Variants in DOCK2 observed in about 807,000 individuals in gnomAD.
DOCK2 encodes the protein dedicator of cytokinesis protein 2.
DOCK2 carries 87 observed loss-of-function variants against 248.9 expected under a neutral mutation model. That is an observed-to-expected ratio of 0.35 (90% confidence interval 0.29 to 0.42). DOCK2 has a LOEUF of 0.42. DOCK2 is among the 10% of genes least tolerant of loss of function. The probability of loss-of-function intolerance (pLI) is 1.00; values close to 1 mark genes in which losing one functional copy is unlikely to be tolerated. For synonymous variants in DOCK2, 805 were observed against 821.6 expected, an observed-to-expected ratio of 0.98 and a Z score of 0.35; for missense variants, 1,747 against 2,300.2, an observed-to-expected ratio of 0.76 and a Z score of 4.92.
At chr5:169,774,907 T>A (rs996546234) in intron 25 of DOCK2, among the ~76,000 whole-genome samples, 1 of 151,792 alleles carries the variant, frequency 6.6e-6, no homozygotes, top group African/African-American at 2.4e-5. Flanking sequence ...TTGTTGTTGT[T>A]GTTGTTGTTG....
chr5:169,781,980 G>A (rs1765740071), intron 25 of DOCK2, among the ~76,000 whole-genome samples: 2 of 152,140 alleles, frequency 1.3e-5, no homozygotes, highest in Admixed American at 6.5e-5. Flanking sequence ...GGGGATTCTG[G>A]GCTCTGTCTC....
At chr5:170,059,737 C>T (rs990719974) in intron 44 of DOCK2, among the ~76,000 whole-genome samples, 39 of 152,224 alleles carry the variant, frequency 2.6e-4, no homozygotes, top group Non-Finnish European at 7.3e-5. Context: ...AGAATACTTA[C>T]ATAAATTAAT....
chr5:169,661,889 A>G (rs1474673593), intron 2 of DOCK2, among the ~76,000 whole-genome samples: 1 of 152,220 alleles, frequency 6.6e-6, no homozygotes, highest in African/African-American at 2.4e-5. Flanking sequence ...TTGTTTCCGT[A>G]TCTTGGCTAT....
intron 27 of DOCK2, among the ~76,000 whole-genome samples, chr5:169,948,617 T>C (rs1776538979): frequency 6.6e-6 from 1 of 151,616 alleles, no homozygotes; most frequent in Non-Finnish European, 1.5e-5. Context: ...CAATTAATTT[T>C]TTTTTTTTTT....
chr5:170,053,052 G>A (rs1473266482), intron 41 of DOCK2, among the ~76,000 whole-genome samples: 1 of 152,230 alleles, frequency 6.6e-6, no homozygotes, highest in Non-Finnish European at 1.5e-5. Context: ...ATAATTGAAA[G>A]CCAAAGTCTC....
chr5:169,904,924 G>A (rs913855848), intron 27 of DOCK2, among the ~76,000 whole-genome samples: 2 of 152,154 alleles, frequency 1.3e-5, no homozygotes, highest in Admixed American at 6.5e-5. Context: ...TCTGGAACCC[G>A]AGAGACCCGG....
At chr5:170,027,766 G>A (rs912328850) in intron 33 of DOCK2, 97 bp from the exon 34 acceptor site, 4 of 1,128,540 alleles carry the variant, frequency 3.5e-6, no homozygotes, top group African/African-American at 1.6e-5. Context: ...GGGAGATAAA[G>A]AGTGCTCCCT....
In DOCK2 at chr5:169,854,164, G is replaced by A. The variant is rs371498529; in HGVS notation, c.2799+13312G>A. On this transcript the variant is annotated intron_variant, in intron 27 of 51. Transcript: ENST00000520908. Reference sequence around the variant, plus strand: ...CTATTTCTTTAAAAATAGGAATTAAGGGGACAGTCAAACTTACTGAAACAT... The same window carrying A: ...CTATTTCTTTAAAAATAGGAATTAAAGGGACAGTCAAACTTACTGAAACAT... Among the ~76,000 whole-genome samples the A allele has an allele frequency of 1.1e-3, 173 of 150,784 alleles. 4 individuals carry two copies. In the South Asian group the frequency reaches 0.035, roughly 31 times the overall value.
intron 25 of DOCK2, among the ~76,000 whole-genome samples, chr5:169,795,064 T>A (rs894541618): frequency 1.3e-5 from 2 of 152,214 alleles, no homozygotes; most frequent in South Asian, 2.1e-4. Context: ...ATCAGTTACA[T>A]GTCAGTCCAC....
intron 27 of DOCK2, among the ~76,000 whole-genome samples, chr5:169,891,412 T>A (rs1056189672): frequency 3.9e-5 from 6 of 152,204 alleles, no homozygotes; most frequent in Non-Finnish European, 5.9e-5. Context: ...CATACAACCT[T>A]AGAAATAGAA....
intron 22 of DOCK2, among the ~76,000 whole-genome samples, chr5:169,728,992 A>G (rs1363917960): frequency 6.6e-6 from 1 of 152,170 alleles, no homozygotes; most frequent in Admixed American, 6.5e-5. Context: ...TTGTTAACTC[A>G]TTATTGGAAA....
intron 34 of DOCK2, among the ~76,000 whole-genome samples, chr5:170,030,051 T>C (rs1756074943): frequency 6.6e-6 from 1 of 152,192 alleles, no homozygotes; most frequent in Admixed American, 6.5e-5. Context: ...GAATAAACAA[T>C]ATTCTGGCTG....
At chr5:169,909,020 T>C (rs543089974) in intron 27 of DOCK2, among the ~76,000 whole-genome samples, 2 of 152,338 alleles carry the variant, frequency 1.3e-5, no homozygotes, top group African/African-American at 4.8e-5. Context: ...TCTGTCATAA[T>C]TGTCAGCCCC....
At chr5:169,915,468 A>C (rs1774821812) in intron 27 of DOCK2, among the ~76,000 whole-genome samples, 1 of 151,976 alleles carries the variant, frequency 6.6e-6, no homozygotes, top group African/African-American at 2.4e-5. Flanking sequence ...TCATGTAACT[A>C]ATATATTGAA....
intron 28 of DOCK2, among the ~76,000 whole-genome samples, chr5:169,984,092 C>T (rs530083300): frequency 5.9e-5 from 9 of 152,152 alleles, no homozygotes; most frequent in Non-Finnish European, 1.3e-4. Flanking sequence ...TACACATTTT[C>T]TTACATAACC....
rs1212301251 is a variant in DOCK2, at chr5:169,700,099, G to A, written c.1218G>A (p.Val406=). The stretch of plus-strand genomic sequence containing the variant: ...CACACCTGGTGGACAGGACCACCGT[G>A]GTGGCCAGGAAGCTGGGATTCCCAG... ...DYPHLVDRTT[V]VARKLGFPEI... Residue 406 remains valine, a synonymous_variant, in exon 13 of 52, where the codon GTG becomes GTA. Coordinates refer to ENST00000520908, the MANE Select transcript of DOCK2 (RefSeq NM_004946.3). 1.2e-6 allele frequency: 2 copies of A among 1,613,862 alleles called. No individual in the cohort carries two copies. Among genetic ancestry groups the A allele is most frequent in the African/African-American group, 1.3e-5 (1 of 74,920 alleles).
At chr5:169,700,491 C>G (rs1760902410) in intron 13 of DOCK2, among the ~76,000 whole-genome samples, 1 of 150,884 alleles carries the variant, frequency 6.6e-6, no homozygotes, top group African/African-American at 2.4e-5. Context: ...CAGTTGCACT[C>G]TTTCTGGGAG....
chr5:169,948,310 C>A (rs537954165), intron 27 of DOCK2, among the ~76,000 whole-genome samples: 1 of 152,150 alleles, frequency 6.6e-6, no homozygotes, highest in East Asian at 1.9e-4. Context: ...AAAAGGTAAA[C>A]AAATACACAT....
chr5:169,654,382 GTCTT>G lies in DOCK2; in HGVS notation c.44-13_44-10del, dbSNP rs776680266. 4 of 1,613,852 alleles carry G rather than the reference GTCTT, an allele frequency of 2.5e-6. No individual in the cohort carries two copies. Among genetic ancestry groups the G allele is most frequent in the South Asian group, 2.2e-5 (2 of 91,080 alleles). ...TGAGATCTAGAGGTCTCACCTAGCT[GTCTT>G]TCTTTCTGTTTCACAGCCATATACA... On this transcript the variant is annotated splice_polypyrimidine_tract_variant and intron_variant, in intron 1 of 51. Transcript: ENST00000520908.
Sources: gnomAD v4.1 joint callset for allele counts (sites outside exome capture counted in the v4.1 genomes callset) on GRCh38, gnomAD v4.1.1 for gene constraint, MANE v1.5 for transcripts, NCBI Gene and HGNC (gene_info 2026-07-23, HGNC 2026-07-21) for gene names.